Variants in U2SURP observed in about 807,000 individuals in gnomAD.
U2SURP encodes the protein U2 snRNP associated SURP domain containing, also known as U2 snRNP-associated SURP motif-containing protein.
In U2SURP, 9 loss-of-function variants were observed where a neutral mutation model predicts 144.9. The observed-to-expected ratio is 0.06, with a 90% confidence interval of 0.04 to 0.11. The LOEUF (loss-of-function observed/expected upper bound fraction) is 0.11. Ranked by LOEUF, U2SURP falls within the 10% of genes least tolerant of loss-of-function variation. The pLI is 1.00. For synonymous variants in U2SURP, 408 were observed against 396.8 expected (o/e 1.03, Z -0.33); for missense variants, 724 against 1,226.7 (o/e 0.59, Z 6.12).
At chr3:143,034,620 G>C in intron 18 of U2SURP, 2 of 229,298 alleles carry the variant, frequency 8.7e-6, no homozygotes, top group Non-Finnish European at 1.7e-5. Context: ...TGGACGAGAT[G>C]GTTCAGCATA....
intron 26 of U2SURP, 93 bp from the exon 27 acceptor site, chr3:143,054,850 A>G (rs1376085121): frequency 7.8e-7 from 1 of 1,284,816 alleles, no homozygotes; most frequent in African/African-American, 1.5e-5. Context: ...TAAAAGAGTA[A>G]GCTGGTAGCA....
chr3:143,014,504 AC>A (rs1936264869), intron 4 of U2SURP, 95 bp downstream of exon 4: 2 of 772,434 alleles, frequency 2.6e-6, no homozygotes, highest in African/African-American at 1.8e-5. Flanking sequence ...AAGATTCTTA[AC>A]CTCTAGGATA....
At chr3:143,021,697 C>T in intron 10 of U2SURP, 142 bp downstream of exon 10, 3 of 757,358 alleles carry the variant, frequency 4.0e-6, no homozygotes, top group Non-Finnish European at 6.4e-6. Flanking sequence ...CTGGTATGGC[C>T]CAGGTTGTCT....
chr3:143,050,584 A>C (rs1934805268), intron 24 of U2SURP, among the ~76,000 whole-genome samples: 1 of 152,126 alleles, frequency 6.6e-6, no homozygotes, highest in Non-Finnish European at 1.5e-5. Context: ...AAGATGTTTA[A>C]TCTGCATTCT....
intron 23 of U2SURP, among the ~76,000 whole-genome samples, chr3:143,042,431 C>CT (rs1032023163): frequency 3.3e-5 from 5 of 151,834 alleles, no homozygotes; most frequent in African/African-American, 1.2e-4. Flanking sequence ...ACACATACAG[C>CT]TTTTTTTATT....
Position 143,036,094 on chromosome 3 carries a change from A to G in U2SURP, c.2054A>G (p.Lys685Arg). ...FLGLVNIIEE[K>R]ETEDVPDDLD... ...GGACTTGTAAATATTATTGAAGAAA[A>G]GGAAACAGAGGTAGGCAGTCTGTAT... Residue 685 changes from lysine (K) to arginine (R), a missense_variant, in exon 20 of 28, where the codon AAG becomes AGG. Physicochemically the swap from Lys to Arg is conservative, Grantham distance 26 (BLOSUM62 2). Coordinates refer to ENST00000473835, the MANE Select transcript of U2SURP (RefSeq NM_001080415.2). 6.2e-7 allele frequency: 1 copy of G among 1,604,198 alleles called. No individual in the cohort carries two copies. Among genetic ancestry groups the G allele is most frequent in the South Asian group, 1.1e-5 (1 of 88,778 alleles).
At chr3:143,029,876 C>T (rs4030582) in intron 16 of U2SURP, among the ~76,000 whole-genome samples, 106,923 of 152,108 alleles carry the variant, frequency 0.7, 38,126 homozygotes, top group African/African-American at 0.84. Flanking sequence ...TAGAAAGTTT[C>T]GGTGGTGTGG....
intron 1 of U2SURP, among the ~76,000 whole-genome samples, chr3:143,006,196 G>T (rs985154083): frequency 6.6e-6 from 1 of 152,054 alleles, no homozygotes; most frequent in Non-Finnish European, 1.5e-5. Flanking sequence ...ATCATCTTAG[G>T]TTTGTTATTT....
Position 143,022,514 on chromosome 3 carries a change from G to A in U2SURP, c.870G>A (p.Leu290=), listed in dbSNP as rs1028839358. 5 of 1,571,434 alleles carry A rather than the reference G, an allele frequency of 3.2e-6. No homozygotes were observed. The highest frequency in any genetic ancestry group is 4.3e-6 in the Non-Finnish European group (5 of 1,158,968). Reference sequence around the variant, plus strand: ...TTTAATAGATGAATGAAGAAATGCTGTGCCAAGAATTTGGAAGATTTGGAC... The same window carrying A: ...TTTAATAGATGAATGAAGAAATGCTATGCCAAGAATTTGGAAGATTTGGAC... ...NINPQMNEEM[L]CQEFGRFGPL... Residue 290 remains leucine (L), a synonymous_variant, in exon 11 of 28, where the codon CTG becomes CTA. Transcript: ENST00000473835.
chr3:143,015,830 A>G (rs1269271330), intron 4 of U2SURP, among the ~76,000 whole-genome samples: 1 of 152,086 alleles, frequency 6.6e-6, no homozygotes, highest in African/African-American at 2.4e-5. Flanking sequence ...CCTTAATGCC[A>G]CTTGTCAGTA....
rs10550292 is a variant in U2SURP at position 143,041,969 on chromosome 3, TACACACAC to T, written c.2385-1132_2385-1125del. ...TGCCCAGATTTATTTGCCAATAGTA[TACACACAC>T]ACACACACACACACAACCCAGTCTC... On this transcript the variant is annotated intron_variant, in intron 23 of 27. Coordinates refer to ENST00000473835, the MANE Select transcript of U2SURP (RefSeq NM_001080415.2). Among the ~76,000 whole-genome samples, 465 of 149,526 alleles carry T rather than the reference TACACACAC, an allele frequency of 3.1e-3. 7 individuals carry two copies. The highest frequency in any genetic ancestry group is 0.011 in the African/African-American group (440 of 40,946).
intron 17 of U2SURP, 136 bp downstream of exon 17, chr3:143,033,082 AG>A (rs2108295431): frequency 9.4e-7 from 1 of 1,060,362 alleles, no homozygotes; most frequent in Admixed American, 2.8e-5. Flanking sequence ...TTGGAAATTT[AG>A]GTTCATTAAC....
chr3:143,042,142 G>A (rs1032052741), intron 23 of U2SURP, among the ~76,000 whole-genome samples: 1 of 152,058 alleles, frequency 6.6e-6, no homozygotes, highest in African/African-American at 2.4e-5. Flanking sequence ...AAGGACAGGA[G>A]AATTTTTCTT....
At chr3:143,021,452 C>T (rs1393513037) in intron 9 of U2SURP, 21 bp from the exon 10 acceptor site, 5 of 1,612,742 alleles carry the variant, frequency 3.1e-6, no homozygotes, top group Non-Finnish European at 4.2e-6. Flanking sequence ...GGTTATAATT[C>T]TTTTTTTCTT....
At position 143,032,787 on chromosome 3, in the gene U2SURP, G is replaced by C; in HGVS notation, c.1614G>C (p.Gln538His). The C allele has an allele frequency of 6.2e-7, 1 of 1,611,248 alleles. No individual in the cohort carries two copies. Among genetic ancestry groups the C allele is most frequent in the Non-Finnish European group, 8.5e-7 (1 of 1,178,580 alleles). ...PSKKGALKEE[Q>H]RDKLEEILRG... ...AGTTAAAACAATTTATGTTCAGACA[G>C]AGGGATAAATTGGAAGAAATCTTGC... Residue 538 changes from glutamine (Q) to histidine (H), a missense_variant, in exon 17 of 28, where the codon CAG (glutamine) becomes CAC (histidine). This residue lies in a region of U2SURP where 66 missense variants were observed against 95.0 expected (regional missense o/e 0.69). Coordinates refer to ENST00000473835, the MANE Select transcript of U2SURP (RefSeq NM_001080415.2).
Position 143,022,519 on chromosome 3 carries a change from A to G in U2SURP, c.875A>G (p.Gln292Arg). 1 of 1,576,900 alleles carries G rather than the reference A, an allele frequency of 6.3e-7. No individual in the cohort carries two copies. Among genetic ancestry groups the G allele is most frequent in the Non-Finnish European group, 8.6e-7 (1 of 1,161,526 alleles). ...NPQMNEEMLC[Q>R]EFGRFGPLAS... ...TAGATGAATGAAGAAATGCTGTGCC[A>G]AGAATTTGGAAGATTTGGACCGTTA... Residue 292 changes from glutamine to arginine, a missense_variant, in exon 11 of 28, where the codon CAA (glutamine) becomes CGA (arginine). Transcript: ENST00000473835.
At chr3:143,016,795 A>G (rs1440004901) in intron 5 of U2SURP, 47 bp from the exon 6 acceptor site, 2 of 1,457,404 alleles carry the variant, frequency 1.4e-6, no homozygotes, top group East Asian at 5.0e-5. Context: ...AACAGTAAAG[A>G]AAAATATTGC....
chr3:143,015,082 A>T (rs1040127892), intron 4 of U2SURP, among the ~76,000 whole-genome samples: 3 of 152,100 alleles, frequency 2.0e-5, no homozygotes, highest in Admixed American at 2.0e-4. Context: ...GGGCAGTGAC[A>T]TGTTGCACCC....
chr3:143,024,957 A>T (rs1426066834), intron 13 of U2SURP, among the ~76,000 whole-genome samples: 1 of 151,990 alleles, frequency 6.6e-6, no homozygotes, highest in African/African-American at 2.4e-5. Context: ...TAAATAATGC[A>T]CTTTAAATAT....
Sources: allele counts gnomAD v4.1 joint callset (sites outside exome capture counted in the v4.1 genomes callset), GRCh38; gene constraint gnomAD v4.1.1; regional missense constraint gnomAD v4.1.1; transcripts MANE v1.5; gene names NCBI Gene and HGNC (gene_info 2026-07-23, HGNC 2026-07-21).